Variants in UBAP1 observed in about 807,000 individuals in gnomAD.
UBAP1 encodes ubiquitin-associated protein 1.
UBAP1 carries 5 observed loss-of-function variants against 39.0 expected under a neutral mutation model. The observed-to-expected ratio is 0.13, with a 90% CI of 0.07 to 0.27. The LOEUF is 0.27. UBAP1 is among the 10% of genes least tolerant of loss of function. The probability of loss-of-function intolerance (pLI) is 1.00; values close to 1 mark genes in which losing one functional copy is unlikely to be tolerated. For synonymous variants in UBAP1, 211 were observed against 225.1 expected (o/e 0.94, Z 0.56); for missense variants, 490 against 608.1 (o/e 0.81, Z 2.04).
chr9:34,180,963 A>G (rs1029865623), intron 1 of UBAP1, among the ~76,000 whole-genome samples: 11 of 151,814 alleles, frequency 7.2e-5, no homozygotes, highest in Middle Eastern at 3.4e-3. Flanking sequence ...GACACCCACC[A>G]CTACGGCTGG....
chr9:34,224,051 C>A, intron 2 of UBAP1: 1 of 556,594 alleles, frequency 1.8e-6, no homozygotes, highest in South Asian at 2.8e-5. Flanking sequence ...TAGCACATAG[C>A]CGTCTGTTTG....
rs1831053318 is a variant in UBAP1, at chr9:34,196,338, G to A, written c.-8+17098G>A. ...ACAATTTTTTTTTTTTTTTGGAGAC[G>A]GAATTTCACTCTTATTGCCCAGGCT... On this transcript the variant is annotated intron_variant, in intron 1 of 6. Coordinates refer to ENST00000297661, the MANE Select transcript of UBAP1 (RefSeq NM_016525.5). Among the ~76,000 whole-genome samples, 4 of 149,718 alleles carry A rather than the reference G, an allele frequency of 2.7e-5. No homozygotes were observed. The South Asian group carries it at 8.5e-4, about 32-fold the overall frequency.
intron 1 of UBAP1, among the ~76,000 whole-genome samples, chr9:34,202,666 TGTGTGTGTGTGTCCCC>T (rs1278746303): frequency 7.6e-5 from 11 of 144,292 alleles, no homozygotes; most frequent in Non-Finnish European, 1.5e-4. Flanking sequence ...TGTGTGTGTG[TGTGTGTGTGTGTCCCC>T]GTCCCCGTAT....
chr9:34,195,208 T>C lies in UBAP1; in HGVS notation c.-8+15968T>C, dbSNP rs1049748886. ...TTTCATTGAAGTCCCCTTTAGTTTT[T>C]CCTTTATGGTTTGTGCTTTTGGTGT... On this transcript the variant is annotated intron_variant, in intron 1 of 6. Transcript: ENST00000297661. 2.6e-5 allele frequency among the ~76,000 whole-genome samples: 4 copies of C among 152,204 alleles called. No homozygotes were observed. The South Asian group carries it at 8.3e-4, about 32-fold the overall frequency.
chr9:34,238,169 C>T (rs965756850), intron 3 of UBAP1, among the ~76,000 whole-genome samples: 14 of 152,164 alleles, frequency 9.2e-5, no homozygotes, highest in African/African-American at 3.4e-4. Context: ...GGTTTATCCA[C>T]GTTGTATGAA....
At chr9:34,218,200 C>T (rs1357017253) in intron 1 of UBAP1, among the ~76,000 whole-genome samples, 43 of 121,412 alleles carry the variant, frequency 3.5e-4, no homozygotes, top group Admixed American at 2.0e-3. Context: ...TGCAGTGAGC[C>T]GAGATCATGC....
At chr9:34,199,128 C>G (rs1831220932) in intron 1 of UBAP1, among the ~76,000 whole-genome samples, 1 of 152,168 alleles carries the variant, frequency 6.6e-6, no homozygotes, top group Admixed American at 6.5e-5. Context: ...GGCTGGAGTG[C>G]AGTGATGCGA....
At chr9:34,207,048 C>CTTTTTTTTT (rs34197502) in intron 1 of UBAP1, among the ~76,000 whole-genome samples, 2 of 90,056 alleles carry the variant, frequency 2.2e-5, no homozygotes, top group African/African-American at 4.5e-5. Flanking sequence ...ATTGTTATTT[C>CTTTTTTTTT]TTTTTTTTTT....
intron 1 of UBAP1, among the ~76,000 whole-genome samples, chr9:34,190,936 C>G (rs1197291890): frequency 6.6e-6 from 1 of 151,726 alleles, no homozygotes; most frequent in Non-Finnish European, 1.5e-5. Flanking sequence ...GTGTGAGTCA[C>G]AGTGCCCAGC....
intron 2 of UBAP1, among the ~76,000 whole-genome samples, chr9:34,226,727 T>TC (rs1833128787): frequency 6.6e-6 from 1 of 152,046 alleles, no homozygotes. Flanking sequence ...ATTTTTTTTT[T>TC]CCCTTTTTCT....
chr9:34,189,349 T>C (rs1466259961), intron 1 of UBAP1, among the ~76,000 whole-genome samples: 2 of 150,560 alleles, frequency 1.3e-5, no homozygotes, highest in Admixed American at 1.3e-4. Context: ...CCACCATGCC[T>C]GGCTAATTTT....
intron 1 of UBAP1, chr9:34,220,426 G>A (rs1832697833): frequency 6.5e-6 from 1 of 152,800 alleles, no homozygotes; most frequent in African/African-American, 2.4e-5. Flanking sequence ...CCGGGCACAA[G>A]CGATCCTCCC....
chr9:34,222,613 A>G (rs1832819969), intron 2 of UBAP1, among the ~76,000 whole-genome samples: 1 of 152,012 alleles, frequency 6.6e-6, no homozygotes, highest in Non-Finnish European at 1.5e-5. Flanking sequence ...TCAGCAACAT[A>G]GTGAGACGCT....
intron 2 of UBAP1, chr9:34,224,032 C>A: frequency 3.8e-6 from 2 of 522,640 alleles, no homozygotes; most frequent in Non-Finnish European, 6.9e-6. Flanking sequence ...ACTCCAACTC[C>A]TTCCCCTCTA....
chr9:34,216,635 C>T (rs991980032), intron 1 of UBAP1, among the ~76,000 whole-genome samples: 10 of 145,452 alleles, frequency 6.9e-5, no homozygotes, highest in Non-Finnish European at 1.0e-4. Flanking sequence ...ACCACCACAC[C>T]ATGCTAATTT....
intron 1 of UBAP1, among the ~76,000 whole-genome samples, chr9:34,195,109 T>A (rs1563889925): frequency 6.6e-6 from 1 of 152,150 alleles, no homozygotes; most frequent in Non-Finnish European, 1.5e-5. Flanking sequence ...GAACAGAGAT[T>A]TTTTAAATGT....
intron 4 of UBAP1, among the ~76,000 whole-genome samples, chr9:34,249,409 G>A (rs902995829): frequency 6.6e-6 from 1 of 152,080 alleles, no homozygotes; most frequent in African/African-American, 2.4e-5. Context: ...GAGAGAAATC[G>A]CAGCCAGCTT....
chr9:34,240,730 T>C (rs1052201689), intron 3 of UBAP1, among the ~76,000 whole-genome samples: 1 of 134,870 alleles, frequency 7.4e-6, no homozygotes, highest in Non-Finnish European at 1.6e-5. Context: ...AAATCCAGGC[T>C]CTTCCATTTA....
At chr9:34,189,291 T>C (rs1265102120) in intron 1 of UBAP1, among the ~76,000 whole-genome samples, 2 of 151,514 alleles carry the variant, frequency 1.3e-5, no homozygotes, top group African/African-American at 4.9e-5. Context: ...AGGGTTCAAG[T>C]GATTCTTTCA....
Sources: gnomAD v4.1 joint callset for allele counts (sites outside exome capture counted in the v4.1 genomes callset) on GRCh38, gnomAD v4.1.1 for gene constraint, MANE v1.5 for transcripts, NCBI Gene and HGNC (gene_info 2026-07-23, HGNC 2026-07-21) for gene names.